MAST2: variants seen among roughly 807,000 people sequenced by gnomAD.
MAST2 encodes the protein microtubule associated serine/threonine kinase 2.
Under a neutral mutation model 147.4 loss-of-function variants are expected in MAST2, and 70 were observed. The ratio of observed to expected loss-of-function variants is 0.47; its 90% CI spans 0.39 to 0.58. MAST2 has a LOEUF of 0.58. Among genes scored for constraint, MAST2 ranks in the 20% least tolerant of loss-of-function variants. The probability of loss-of-function intolerance (pLI) is 0.00; values close to 1 mark genes in which losing one functional copy is unlikely to be tolerated. For synonymous variants in MAST2, 869 were observed against 896.8 expected (o/e 0.97, Z 0.55); for missense variants, 2,080 against 2,302.3 (o/e 0.90, Z 1.98).
At chr1:45,984,782 G>A (rs1325572950) in intron 5 of MAST2, among the ~76,000 whole-genome samples, 1 of 152,058 alleles carries the variant, frequency 6.6e-6, no homozygotes, top group Non-Finnish European at 1.5e-5. Flanking sequence ...GAGCCCAGGA[G>A]TTCAAGACTG....
intron 6 of MAST2, among the ~76,000 whole-genome samples, chr1:46,002,472 A>G (rs1373785759): frequency 6.6e-6 from 1 of 152,218 alleles, no homozygotes; most frequent in Non-Finnish European, 1.5e-5. Flanking sequence ...AATGTTGCCT[A>G]TAGCTGGAAT....
intron 3 of MAST2, among the ~76,000 whole-genome samples, chr1:45,871,760 GT>G (rs757184359): frequency 1.2e-4 from 19 of 152,330 alleles, no homozygotes; most frequent in Non-Finnish European, 2.8e-4. Context: ...TGGATTCTGA[GT>G]AGGCCCTAGA....
At chr1:45,876,749 T>C (rs1379184418) in intron 3 of MAST2, among the ~76,000 whole-genome samples, 1 of 152,208 alleles carries the variant, frequency 6.6e-6, no homozygotes, top group Non-Finnish European at 1.5e-5. Context: ...CAGAATGTAC[T>C]GATCTGGAGT....
chr1:45,997,668 G>A (rs1645110569), intron 5 of MAST2, 56 bp from the exon 6 acceptor site: 4 of 1,360,944 alleles, frequency 2.9e-6, no homozygotes, highest in African/African-American at 1.4e-5. Flanking sequence ...CGAAAGTCAT[G>A]TCCACCCTCC....
At chr1:45,902,303 T>A (rs917344207) in intron 4 of MAST2, among the ~76,000 whole-genome samples, 1 of 152,222 alleles carries the variant, frequency 6.6e-6, no homozygotes, top group East Asian at 1.9e-4. Flanking sequence ...TTGTGTACGC[T>A]GAACCATCCT....
chr1:45,870,289 C>T (rs1646330497), intron 3 of MAST2, among the ~76,000 whole-genome samples: 1 of 151,938 alleles, frequency 6.6e-6, no homozygotes, highest in African/African-American at 2.4e-5. Context: ...TATTTTTTCT[C>T]AATTTATTTG....
intron 3 of MAST2, among the ~76,000 whole-genome samples, chr1:45,865,801 A>C (rs1432078472): frequency 6.6e-6 from 1 of 152,178 alleles, no homozygotes; most frequent in African/African-American, 2.4e-5. Context: ...GCCAAATTTG[A>C]TGATTATTTT....
At chr1:45,842,658 A>G (rs1645314209) in intron 3 of MAST2, among the ~76,000 whole-genome samples, 1 of 152,210 alleles carries the variant, frequency 6.6e-6, no homozygotes, top group Admixed American at 6.5e-5. Flanking sequence ...GTTGAATAAT[A>G]TCTCGTTGTA....
At chr1:46,019,558 T>C (rs763122594) in intron 10 of MAST2, 38 bp from the exon 11 acceptor site, 2 of 1,563,446 alleles carry the variant, frequency 1.3e-6, no homozygotes, top group Admixed American at 1.7e-5. Context: ...CCAGCCACAC[T>C]GGGCCAATAG....
chr1:45,926,120 C>A (rs1654321631), intron 4 of MAST2, among the ~76,000 whole-genome samples: 1 of 152,172 alleles, frequency 6.6e-6, no homozygotes, highest in Non-Finnish European at 1.5e-5. Flanking sequence ...TCTCCCAGAA[C>A]TTGTTCTTAT....
chr1:45,889,730 T>C (rs576443851), intron 4 of MAST2, among the ~76,000 whole-genome samples: 2 of 150,932 alleles, frequency 1.3e-5, no homozygotes, highest in South Asian at 4.3e-4. Flanking sequence ...CTCAGCCTCC[T>C]GAGTAGCTGG....
chr1:45,891,435 T>C (rs1466712306), intron 4 of MAST2, among the ~76,000 whole-genome samples: 1 of 152,108 alleles, frequency 6.6e-6, no homozygotes, highest in Non-Finnish European at 1.5e-5. Flanking sequence ...GCCGTGATTG[T>C]GCCACTGTAC....
chr1:45,939,871 G>A (rs1269538219), intron 4 of MAST2, among the ~76,000 whole-genome samples: 1 of 151,890 alleles, frequency 6.6e-6, no homozygotes, highest in Admixed American at 6.6e-5. Context: ...AGACCTTGCT[G>A]GCATTTTGAT....
chr1:45,967,455 A>G (rs974779624), intron 5 of MAST2, among the ~76,000 whole-genome samples: 5 of 152,224 alleles, frequency 3.3e-5, no homozygotes, highest in African/African-American at 1.2e-4. Context: ...TAGTTAATTA[A>G]CACATAATTT....
At chr1:46,025,406 G>T (rs1646365717) in intron 15 of MAST2, among the ~76,000 whole-genome samples, 2 of 152,160 alleles carry the variant, frequency 1.3e-5, no homozygotes, top group South Asian at 4.1e-4. Context: ...CCACTTCCAT[G>T]ATTCAGTTAT....
chr1:45,931,991 A>G (rs1484421469), intron 4 of MAST2, among the ~76,000 whole-genome samples: 1 of 152,084 alleles, frequency 6.6e-6, no homozygotes, highest in Non-Finnish European at 1.5e-5. Flanking sequence ...GCACCCAGCA[A>G]TGTTGTGTTC....
At chr1:45,858,076 T>C (rs1197773550) in intron 3 of MAST2, among the ~76,000 whole-genome samples, 3 of 152,044 alleles carry the variant, frequency 2.0e-5, no homozygotes, top group East Asian at 3.9e-4. Context: ...TAAACATACG[T>C]GTGTATGTGT....
intron 3 of MAST2, among the ~76,000 whole-genome samples, chr1:45,881,992 C>T (rs1316704247): frequency 1.3e-4 from 15 of 118,458 alleles, no homozygotes; most frequent in East Asian, 8.4e-4. Flanking sequence ...CTGGCTAACA[C>T]GGTGAAACCC....
intron 3 of MAST2, among the ~76,000 whole-genome samples, chr1:45,874,793 T>C (rs1260427991): frequency 1.3e-5 from 2 of 152,186 alleles, no homozygotes; most frequent in Non-Finnish European, 2.9e-5. Context: ...CAAATAATTA[T>C]AGTAACCAGT....
Sources: gnomAD v4.1 joint callset for allele counts (sites outside exome capture counted in the v4.1 genomes callset) on GRCh38, gnomAD v4.1.1 for gene constraint, MANE v1.5 for transcripts, NCBI Gene and HGNC (gene_info 2026-07-23, HGNC 2026-07-21) for gene names.